ADAMTSL1: variants seen among roughly 807,000 people sequenced by gnomAD.
ADAMTSL1 encodes ADAMTS-like protein 1.
Under a neutral mutation model 201.8 loss-of-function variants are expected in ADAMTSL1, and 126 were observed. That is an observed-to-expected ratio of 0.62 (90% CI 0.54 to 0.72). The LOEUF is 0.72. Ranked by LOEUF, ADAMTSL1 falls within the 30% of genes least tolerant of loss-of-function variation. The probability of loss-of-function intolerance (pLI) is 0.00; values close to 1 mark genes in which losing one functional copy is unlikely to be tolerated. For missense variants in ADAMTSL1, 2,679 were observed against 2,277.8 expected (o/e 1.18, Z -3.59); for synonymous variants, 1,121 against 903.4 (o/e 1.24, Z -4.32).
chr9:18,064,812 A>G (rs1418653848), intron 1 of ADAMTSL1, among the ~76,000 whole-genome samples: 3 of 151,894 alleles, frequency 2.0e-5, no homozygotes, highest in Non-Finnish European at 2.9e-5. Flanking sequence ...AACATTATAG[A>G]TATTACATAT....
At chr9:18,076,857 A>G (rs1353226476) in intron 1 of ADAMTSL1, among the ~76,000 whole-genome samples, 2 of 152,092 alleles carry the variant, frequency 1.3e-5, no homozygotes, top group Non-Finnish European at 2.9e-5. Context: ...ATAGGAGGAA[A>G]AATGGTGGTA....
chr9:18,890,641 G>A (rs940217581), intron 25 of ADAMTSL1: 2 of 455,484 alleles, frequency 4.4e-6, no homozygotes, highest in Non-Finnish European at 8.8e-6. Flanking sequence ...CTTGCTGACG[G>A]GAAGGTTTCC....
intron 2 of ADAMTSL1, among the ~76,000 whole-genome samples, chr9:18,243,020 C>T (rs1831127829): frequency 6.6e-6 from 1 of 151,854 alleles, no homozygotes; most frequent in African/African-American, 2.4e-5. Flanking sequence ...CATAAAAGAC[C>T]CTGAATAGCC....
chr9:18,793,153 T>A (rs1241003955), intron 19 of ADAMTSL1: 3 of 152,184 alleles, frequency 2.0e-5, no homozygotes, highest in Non-Finnish European at 4.4e-5. Flanking sequence ...AAACTTCCTT[T>A]AACTAAGGTG....
chr9:18,420,974 C>T (rs1340049), intron 2 of ADAMTSL1, among the ~76,000 whole-genome samples: 37,600 of 151,828 alleles, frequency 0.25, 5,566 homozygotes, highest in East Asian at 0.42. Flanking sequence ...GGAGAAGGAA[C>T]GGAGGATAGG....
chr9:18,326,281 G>A (rs10963577), intron 2 of ADAMTSL1, among the ~76,000 whole-genome samples: 59,123 of 152,064 alleles, frequency 0.39, 12,809 homozygotes, highest in Admixed American at 0.56. Flanking sequence ...TAAGGAGGAG[G>A]GCTTAACTGG....
intron 1 of ADAMTSL1, among the ~76,000 whole-genome samples, chr9:18,073,439 G>A (rs1174093450): frequency 1.3e-5 from 2 of 152,086 alleles, no homozygotes; most frequent in Admixed American, 6.5e-5. Context: ...TCTAAAGGGG[G>A]CACAAGTATT....
chr9:18,103,360 TA>T (rs1156840949), intron 1 of ADAMTSL1, among the ~76,000 whole-genome samples: 1 of 152,200 alleles, frequency 6.6e-6, no homozygotes, highest in Non-Finnish European at 1.5e-5. Context: ...GAATCAGGGT[TA>T]GATACTTATA....
intron 2 of ADAMTSL1, among the ~76,000 whole-genome samples, chr9:18,227,270 T>G (rs1016263361): frequency 6.6e-5 from 10 of 152,144 alleles, no homozygotes; most frequent in Non-Finnish European, 1.3e-4. Flanking sequence ...ATACCTACCA[T>G]GTATATGATG....
intron 2 of ADAMTSL1, among the ~76,000 whole-genome samples, chr9:18,233,396 T>C (rs1485574670): frequency 1.3e-5 from 2 of 152,222 alleles, no homozygotes; most frequent in Non-Finnish European, 1.5e-5. Flanking sequence ...AGGATAAGTA[T>C]ATAAAGATAA....
At chr9:18,875,642 T>C (rs1161701502) in intron 23 of ADAMTSL1, among the ~76,000 whole-genome samples, 1 of 152,182 alleles carries the variant, frequency 6.6e-6, no homozygotes, top group Non-Finnish European at 1.5e-5. Flanking sequence ...TTTCTTAAAT[T>C]TACTGAGACT....
At chr9:18,265,163 A>T (rs1467764196) in intron 2 of ADAMTSL1, among the ~76,000 whole-genome samples, 2 of 152,128 alleles carry the variant, frequency 1.3e-5, no homozygotes, top group Non-Finnish European at 2.9e-5. Context: ...AGAAACACTG[A>T]CCTAAGCTCC....
At chr9:18,040,684 C>T (rs1338135925) in intron 1 of ADAMTSL1, among the ~76,000 whole-genome samples, 1 of 151,984 alleles carries the variant, frequency 6.6e-6, no homozygotes, top group African/African-American at 2.4e-5. Flanking sequence ...ATTTCAGTTA[C>T]TGGAGAAAGC....
chr9:18,752,184 G>T (rs1019089134), intron 15 of ADAMTSL1, among the ~76,000 whole-genome samples: 1 of 151,904 alleles, frequency 6.6e-6, no homozygotes, highest in African/African-American at 2.4e-5. Context: ...ATAACAAACA[G>T]ATTATTACAG....
chr9:18,194,717 G>A (rs1157823839), intron 2 of ADAMTSL1, among the ~76,000 whole-genome samples: 1 of 152,008 alleles, frequency 6.6e-6, no homozygotes, highest in Non-Finnish European at 1.5e-5. Flanking sequence ...CCCCAGTGCT[G>A]GAACCAAAAT....
At chr9:18,079,539 G>A (rs1196766557) in intron 1 of ADAMTSL1, among the ~76,000 whole-genome samples, 3 of 151,712 alleles carry the variant, frequency 2.0e-5, no homozygotes, top group Non-Finnish European at 2.9e-5. Flanking sequence ...AAAATTAGCC[G>A]GGCATGGTGG....
chr9:18,096,036 G>C (rs1824237945), intron 1 of ADAMTSL1, among the ~76,000 whole-genome samples: 1 of 152,058 alleles, frequency 6.6e-6, no homozygotes, highest in South Asian at 2.1e-4. Context: ...GGAGCATAGG[G>C]GATAATCGCA....
intron 2 of ADAMTSL1, among the ~76,000 whole-genome samples, chr9:18,181,677 A>G (rs1242445910): frequency 6.6e-6 from 1 of 152,070 alleles, no homozygotes; most frequent in South Asian, 2.1e-4. Flanking sequence ...GAACACTTTT[A>G]CACTGTTGGT....
intron 1 of ADAMTSL1, among the ~76,000 whole-genome samples, chr9:17,970,768 C>T (rs1331597319): frequency 6.6e-6 from 1 of 152,030 alleles, no homozygotes; most frequent in African/African-American, 2.4e-5. Context: ...TGTGTGCTTA[C>T]TCCTATCTTC....
Sources: gnomAD v4.1 joint callset for allele counts (sites outside exome capture counted in the v4.1 genomes callset) on GRCh38, gnomAD v4.1.1 for gene constraint, MANE v1.5 for transcripts, NCBI Gene and HGNC (gene_info 2026-07-23, HGNC 2026-07-21) for gene names.